Variants in CYP11A1 observed in about 807,000 individuals in gnomAD.
CYP11A1 encodes cholesterol side-chain cleavage enzyme, mitochondrial.
A neutral mutation model predicts 51.9 loss-of-function variants in CYP11A1; 25 were observed. That is an observed-to-expected ratio of 0.48 (90% CI 0.35 to 0.67). CYP11A1 has a LOEUF of 0.67. CYP11A1 is among the 30% of genes least tolerant of loss of function. The probability of loss-of-function intolerance (pLI) is 0.00; values close to 1 mark genes in which losing one functional copy is unlikely to be tolerated. For synonymous variants in CYP11A1, 245 were observed against 262.1 expected (o/e 0.93, Z 0.63); for missense variants, 578 against 680.9 (o/e 0.85, Z 1.68).
At chr15:74,360,631 A>T (rs1340352092) in intron 1 of CYP11A1, among the ~76,000 whole-genome samples, 1 of 150,760 alleles carries the variant, frequency 6.6e-6, no homozygotes, top group Non-Finnish European at 1.5e-5. Flanking sequence ...GGCCAGTCAC[A>T]GTGCCTCGCA....
In CYP11A1 at chr15:74,338,334, A is replaced by G. The variant is rs1286268814; in HGVS notation, c.1435-231T>C. 7.1e-6 allele frequency: 5 copies of G among 706,872 alleles called. No homozygotes were observed. In the East Asian group the frequency reaches 8.1e-5, roughly 11 times the overall value. 43.8% of individuals were successfully genotyped at this position (706,872 alleles called of 1,614,324 possible). Reference sequence around the variant, plus strand: ...TGTCTACAAACCTCAGTCCTATCCCATCCCATCACCACCATGGGGAATGGA... The same window carrying G: ...TGTCTACAAACCTCAGTCCTATCCCGTCCCATCACCACCATGGGGAATGGA... On this transcript the variant is annotated intron_variant, in intron 8 of 8. Coordinates refer to ENST00000268053, the MANE Select transcript of CYP11A1 (RefSeq NM_000781.3).
chr15:74,339,870 A>C (rs2060598631), intron 5 of CYP11A1, 117 bp from the exon 6 acceptor site: 1 of 970,916 alleles, frequency 1.0e-6, no homozygotes, highest in African/African-American at 1.6e-5. Flanking sequence ...CCCGAACCCC[A>C]TCCCAGTCTC....
chr15:74,346,643 T>C (rs1321059546), intron 2 of CYP11A1, among the ~76,000 whole-genome samples: 1 of 152,138 alleles, frequency 6.6e-6, no homozygotes, highest in Non-Finnish European at 1.5e-5. Flanking sequence ...CAAACTGCTA[T>C]GTCACAGGTA....
At chr15:74,342,570 G>A (rs551282557) in intron 5 of CYP11A1, among the ~76,000 whole-genome samples, 16 of 152,272 alleles carry the variant, frequency 1.1e-4, no homozygotes, top group African/African-American at 3.9e-4. Context: ...GCCTCCCAAT[G>A]TTTCCGGGCT....
In CYP11A1 at chr15:74,345,432, G is replaced by T. The variant is rs764293251; in HGVS notation, c.426-189C>A. On this transcript the variant is annotated intron_variant, in intron 2 of 8. Transcript: ENST00000268053. This position sits in a 1 kb window ranked among gnomAD's most constrained non-coding sequence, Gnocchi z 4.3. ...CACCTCCTCCCTGCTCTGCCTGGCT[G>T]GGAGAAGAGAAAGGAAAAAAGAGAG... 3 of 635,156 alleles carry T rather than the reference G, an allele frequency of 4.7e-6. No homozygotes were observed. The highest frequency in any genetic ancestry group is 8.4e-6 in the Non-Finnish European group (3 of 356,794). 39.3% of individuals were successfully genotyped at this position (635,156 alleles called of 1,614,324 possible).
At chr15:74,348,298 A>C in intron 1 of CYP11A1, 1 of 551,580 alleles carries the variant, frequency 1.8e-6, no homozygotes, top group Non-Finnish European at 3.3e-6. Flanking sequence ...TAAACATTCT[A>C]CAAGTGAGAG....
At position 74,367,178 on chromosome 15, in the gene CYP11A1, CAAAAA is replaced by C. The variant is rs11350546; in HGVS notation, c.269+134_269+138del. On this transcript the variant is annotated intron_variant, in intron 1 of 8. Coordinates refer to ENST00000268053, the MANE Select transcript of CYP11A1 (RefSeq NM_000781.3). ...CTGATATATTTCTGTATTGTATTAC[CAAAAA>C]AAAAAAAAAAAAAGAAGTTAGACAG... 0.081 allele frequency: 56,022 copies of C among 691,396 alleles called. 762 individuals are homozygous for C. Among genetic ancestry groups the C allele is most frequent in the East Asian group, 0.17 (5,936 of 35,550 alleles). The allele number at this position is 691,396 out of a possible 1,614,324, so 42.8% of individuals were successfully genotyped here.
rs777288971 is a variant in CYP11A1, at chr15:74,339,672, C to T, written c.1072G>A (p.Ala358Thr). ...VQDMLRAEVL[A>T]ARHQAQGDMA... ...TCTCCCTGGGCCTGGTGCCGCGCAGCCAAGACCTCTGCCCGCAGCATATCC... is the reference window on the plus strand; with the variant it reads ...TCTCCCTGGGCCTGGTGCCGCGCAGTCAAGACCTCTGCCCGCAGCATATCC... The change falls in exon 6 of 9, where the codon GCT becomes ACT. Residue 358 changes from alanine to threonine, a missense_variant. Ala to Thr is a moderately conservative substitution (Grantham distance 58). Transcript: ENST00000268053. 2 of 1,614,140 alleles carry T rather than the reference C, an allele frequency of 1.2e-6. No individual in the cohort carries two copies. The highest frequency in any genetic ancestry group is 1.1e-5 in the South Asian group (1 of 91,088).
chr15:74,342,090 G>A (rs913137852), intron 5 of CYP11A1, among the ~76,000 whole-genome samples: 18 of 152,160 alleles, frequency 1.2e-4, no homozygotes, highest in African/African-American at 4.1e-4. Flanking sequence ...GAGGTCTACT[G>A]TATTCCTTTT....
chr15:74,343,731 A>T, intron 4 of CYP11A1, 58 bp downstream of exon 4: 1 of 1,481,360 alleles, frequency 6.8e-7, no homozygotes, highest in Non-Finnish European at 9.4e-7. Context: ...CGTGGGACAA[A>T]GGAGCCGGCT....
chr15:74,355,625 A>C (rs2060675763), intron 1 of CYP11A1, among the ~76,000 whole-genome samples: 1 of 151,340 alleles, frequency 6.6e-6, no homozygotes, highest in Admixed American at 6.6e-5. Flanking sequence ...CTGCTCCTCC[A>C]CCCTATAATC....
chr15:74,346,689 A>T (rs781092316), intron 2 of CYP11A1, among the ~76,000 whole-genome samples: 1 of 151,590 alleles, frequency 6.6e-6, no homozygotes, highest in East Asian at 1.9e-4. Flanking sequence ...ATGTCCAACC[A>T]TTTTCCAAAG....
intron 1 of CYP11A1, among the ~76,000 whole-genome samples, chr15:74,353,655 T>C (rs967235302): frequency 6.6e-6 from 1 of 152,220 alleles, no homozygotes; most frequent in African/African-American, 2.4e-5. Context: ...TATGTAACAC[T>C]GTAGCCTCCA....
At chr15:74,357,465 G>T (rs764452418) in intron 1 of CYP11A1, among the ~76,000 whole-genome samples, 20 of 152,044 alleles carry the variant, frequency 1.3e-4, no homozygotes, top group Non-Finnish European at 1.5e-5. Flanking sequence ...TCCTTCCTAG[G>T]CATGGTTAGA....
chr15:74,362,920 A>G (rs959729755), intron 1 of CYP11A1: 3 of 152,226 alleles, frequency 2.0e-5, no homozygotes, highest in Admixed American at 6.5e-5. Context: ...TCAATCAAAA[A>G]CAAAAAATTG....
chr15:74,361,279 C>T, intron 1 of CYP11A1: 1 of 187,058 alleles, frequency 5.3e-6, no homozygotes, highest in South Asian at 1.1e-4. Context: ...TAATATATTC[C>T]AAAATTGTAT....
intron 5 of CYP11A1, among the ~76,000 whole-genome samples, chr15:74,342,304 G>A (rs566985005): frequency 2.6e-5 from 4 of 152,066 alleles, no homozygotes; most frequent in South Asian, 4.1e-4. Context: ...GGCTGGTCTC[G>A]AACTTCTGAC....
rs1476107099 is a variant in CYP11A1 at position 74,345,606 on chromosome 15, G to C, written c.426-363C>G. ...TCCATGCCACTCCCACTTCCTCCTG[G>C]CCGATGCTCACCTTTGACACTCCAG... On this transcript the variant is annotated intron_variant, in intron 2 of 8. Coordinates refer to ENST00000268053, the MANE Select transcript of CYP11A1 (RefSeq NM_000781.3). The surrounding 1 kb of genome is among the most constrained non-coding windows in gnomAD (Gnocchi z 4.3). Among the ~76,000 whole-genome samples, 1 of 151,998 alleles carries C rather than the reference G, an allele frequency of 6.6e-6. No individual in the cohort carries two copies.
chr15:74,352,082 T>G (rs2060658869), intron 1 of CYP11A1, among the ~76,000 whole-genome samples: 1 of 152,162 alleles, frequency 6.6e-6, no homozygotes, highest in South Asian at 2.1e-4. Context: ...CCAAATTGCC[T>G]TATAAGTAAA....
Sources: gnomAD v4.1 joint callset for allele counts (sites outside exome capture counted in the v4.1 genomes callset) on GRCh38, gnomAD v4.1.1 for gene constraint, Gnocchi (gnomAD v3.1) non-coding constraint, MANE v1.5 for transcripts, NCBI Gene and HGNC (gene_info 2026-07-23, HGNC 2026-07-21) for gene names.